STXBP5L: variants seen among roughly 807,000 people sequenced by gnomAD.
STXBP5L encodes syntaxin-binding protein 5-like.
In STXBP5L, 65 loss-of-function variants were observed where a neutral mutation model predicts 144.5. The ratio of observed to expected loss-of-function variants is 0.45; its 90% CI spans 0.37 to 0.55. STXBP5L has a LOEUF of 0.55. STXBP5L is among the 20% of genes least tolerant of loss of function. The pLI, the probability that STXBP5L is intolerant of heterozygous loss-of-function variation, is 0.00. For missense variants in STXBP5L, 1,298 were observed against 1,405.5 expected (o/e 0.92, Z 1.22); for synonymous variants, 505 against 469.6 (o/e 1.08, Z -0.97).
Position 121,423,929 on chromosome 3 carries a change from G to A in STXBP5L, c.*4832G>A, listed in dbSNP as rs1382648275. 1 of 152,150 alleles carries A rather than the reference G, an allele frequency of 6.6e-6. No individual in the cohort carries two copies. Among genetic ancestry groups the A allele is most frequent in the Non-Finnish European group, 1.5e-5 (1 of 68,030 alleles). 9.4% of individuals were successfully genotyped at this position (152,150 alleles called of 1,614,324 possible). A position where few individuals can be genotyped will look rare whatever the true frequency, so the allele number is the denominator to read the frequency against. On this transcript the variant is annotated 3_prime_UTR_variant, in exon 27 of 27. Transcript: ENST00000471454. ...AATCATCTTTGTGATATTCTCCTAT[G>A]TGACTTGTCCATCAATTATTCCAAT...
intron 14 of STXBP5L, among the ~76,000 whole-genome samples, chr3:121,241,119 C>T (rs148250503): frequency 9.3e-4 from 142 of 152,112 alleles, no homozygotes; most frequent in African/African-American, 3.1e-3. Flanking sequence ...AATGTGAAGA[C>T]GCATCAGACC....
At chr3:121,409,664 A>C (rs2047073092) in intron 23 of STXBP5L, among the ~76,000 whole-genome samples, 1 of 151,992 alleles carries the variant, frequency 6.6e-6, no homozygotes, top group Admixed American at 6.6e-5. Context: ...ATATTTCATG[A>C]TATGTGAAAA....
chr3:121,320,702 T>A (rs2043942191), intron 20 of STXBP5L, among the ~76,000 whole-genome samples: 1 of 91,442 alleles, frequency 1.1e-5, no homozygotes, highest in Admixed American at 1.1e-4. Context: ...ACGACCACAC[T>A]TTTTTTTTTT....
At position 121,162,189 on chromosome 3, in the gene STXBP5L, A is replaced by G. The variant is rs539186451; in HGVS notation, c.877+4562A>G. 1.2e-4 allele frequency among the ~76,000 whole-genome samples: 19 copies of G among 152,286 alleles called. No homozygotes were observed. The Middle Eastern group carries it at 0.01, about 82-fold the overall frequency. On this transcript the variant is annotated intron_variant, in intron 9 of 26. Transcript: ENST00000471454. Reference sequence around the variant, plus strand: ...AAGAGAAAACTTGAATAAATTAAAAACATATCATATGTATGCATACTAAAT... The same window carrying G: ...AAGAGAAAACTTGAATAAATTAAAAGCATATCATATGTATGCATACTAAAT...
At chr3:121,348,843 T>A (rs985884350) in intron 20 of STXBP5L, among the ~76,000 whole-genome samples, 1 of 152,106 alleles carries the variant, frequency 6.6e-6, no homozygotes, top group East Asian at 1.9e-4. Context: ...TTGATTCTTC[T>A]CTCTTTTCTT....
chr3:121,253,783 A>G (rs2108370810), intron 15 of STXBP5L, among the ~76,000 whole-genome samples: 1 of 143,004 alleles, frequency 7.0e-6, no homozygotes, highest in Admixed American at 7.0e-5. Flanking sequence ...GGCGCCCGCC[A>G]CCACGCCCCG....
chr3:121,371,911 AC>A (rs2046042392), intron 20 of STXBP5L, among the ~76,000 whole-genome samples: 1 of 152,186 alleles, frequency 6.6e-6, no homozygotes, highest in Non-Finnish European at 1.5e-5. Context: ...GAGAAGTGGG[AC>A]AAGGTGCACT....
intron 9 of STXBP5L, among the ~76,000 whole-genome samples, chr3:121,173,311 C>T (rs1178198281): frequency 8.8e-6 from 1 of 114,168 alleles, no homozygotes; most frequent in African/African-American, 3.4e-5. Context: ...GCATTTATCC[C>T]AGAACTTAAA....
intron 19 of STXBP5L, among the ~76,000 whole-genome samples, chr3:121,295,568 G>C (rs1412454373): frequency 6.6e-6 from 1 of 151,976 alleles, no homozygotes; most frequent in Non-Finnish European, 1.5e-5. Flanking sequence ...TACAAAATAC[G>C]GGAGATATTA....
At chr3:121,122,737 C>T (rs2044524348) in intron 7 of STXBP5L, among the ~76,000 whole-genome samples, 1 of 151,402 alleles carries the variant, frequency 6.6e-6, no homozygotes, top group Admixed American at 6.6e-5. Context: ...AATTACAACT[C>T]AGAAAGTATT....
At chr3:121,144,606 C>A (rs2107955024) in intron 7 of STXBP5L, among the ~76,000 whole-genome samples, 1 of 151,968 alleles carries the variant, frequency 6.6e-6, no homozygotes, top group South Asian at 2.1e-4. Context: ...ATACAGCAGT[C>A]CCATTTCTGG....
chr3:121,128,657 C>T (rs2044827953), intron 7 of STXBP5L, among the ~76,000 whole-genome samples: 3 of 151,954 alleles, frequency 2.0e-5, no homozygotes, highest in Non-Finnish European at 4.4e-5. Context: ...AGCAGCAAGG[C>T]TGGAGTGGCA....
intron 14 of STXBP5L, among the ~76,000 whole-genome samples, chr3:121,242,532 A>G (rs1437644694): frequency 6.6e-6 from 1 of 152,154 alleles, no homozygotes; most frequent in Non-Finnish European, 1.5e-5. Context: ...TAAAAACACT[A>G]CTGACACGTC....
chr3:121,098,212 A>G (rs554863769), intron 5 of STXBP5L, among the ~76,000 whole-genome samples: 1 of 151,982 alleles, frequency 6.6e-6, no homozygotes, highest in African/African-American at 2.4e-5. Flanking sequence ...GTAGAAGGGG[A>G]TATGTATTTT....
chr3:121,277,635 C>A (rs965850820), intron 18 of STXBP5L, among the ~76,000 whole-genome samples: 1 of 151,338 alleles, frequency 6.6e-6, no homozygotes, highest in African/African-American at 2.4e-5. Context: ...GCTATTTTTT[C>A]CTCTGGTTAT....
chr3:121,113,618 CTG>C (rs898764069), intron 5 of STXBP5L, among the ~76,000 whole-genome samples: 1 of 150,794 alleles, frequency 6.6e-6, no homozygotes, highest in Non-Finnish European at 1.5e-5. Flanking sequence ...GTGAACCAGA[CTG>C]AGAATATAAA....
intron 22 of STXBP5L, among the ~76,000 whole-genome samples, chr3:121,406,851 TTTC>T (rs1467074189): frequency 6.6e-6 from 1 of 152,050 alleles, no homozygotes; most frequent in Non-Finnish European, 1.5e-5. Context: ...TTTTTAAAAT[TTTC>T]TTTTTTATAA....
chr3:121,081,771 T>C (rs550397942), intron 5 of STXBP5L, among the ~76,000 whole-genome samples: 2 of 152,274 alleles, frequency 1.3e-5, no homozygotes, highest in South Asian at 4.2e-4. Context: ...AGGCCCAGTA[T>C]TTATTAAGTT....
At chr3:121,337,266 A>C (rs1440917317) in intron 20 of STXBP5L, among the ~76,000 whole-genome samples, 1 of 152,164 alleles carries the variant, frequency 6.6e-6, no homozygotes, top group African/African-American at 2.4e-5. Flanking sequence ...AAACAAAAAA[A>C]TTAAAAATCA....
Sources: allele counts gnomAD v4.1 joint callset (sites outside exome capture counted in the v4.1 genomes callset), GRCh38; gene constraint gnomAD v4.1.1; transcripts MANE v1.5; gene names NCBI Gene and HGNC (gene_info 2026-07-23, HGNC 2026-07-21).